Variants in PBX1 observed in about 807,000 individuals in gnomAD.
The protein encoded by PBX1 is PBX homeobox 1.
PBX1 carries 6 observed loss-of-function variants against 53.4 expected under a neutral mutation model. The ratio of observed to expected loss-of-function variants is 0.11; its 90% CI spans 0.06 to 0.22. The LOEUF is 0.22. Among genes scored for constraint, PBX1 ranks in the 10% least tolerant of loss-of-function variants. The pLI is 1.00. For synonymous variants in PBX1, 204 were observed against 212.3 expected (o/e 0.96, Z 0.34); for missense variants, 251 against 551.4 (o/e 0.46, Z 5.46).
At chr1:164,673,325 G>A (rs77213201) in intron 2 of PBX1, among the ~76,000 whole-genome samples, 1 of 152,134 alleles carries the variant, frequency 6.6e-6, no homozygotes, top group African/African-American at 2.4e-5. Context: ...TTGGAGTGGG[G>A]CTGGGAGCGC....
intron 2 of PBX1, among the ~76,000 whole-genome samples, chr1:164,637,880 T>A (rs1616235): frequency 6.6e-6 from 1 of 151,876 alleles, no homozygotes; most frequent in African/African-American, 2.4e-5. Flanking sequence ...GACTCAAGCT[T>A]CTTACTCATC....
intron 2 of PBX1, among the ~76,000 whole-genome samples, chr1:164,663,625 T>C (rs1379911905): frequency 1.3e-5 from 2 of 152,250 alleles, no homozygotes; most frequent in African/African-American, 4.8e-5. Flanking sequence ...CACCTGTCTG[T>C]CATTGCAATT....
chr1:164,835,452 C>G (rs1670991882), intron 8 of PBX1, among the ~76,000 whole-genome samples: 1 of 152,120 alleles, frequency 6.6e-6, no homozygotes, highest in African/African-American at 2.4e-5. Context: ...CTAACAGTTT[C>G]TGGTAGTTTC....
intron 2 of PBX1, among the ~76,000 whole-genome samples, chr1:164,859,210 C>G (rs1164347060): frequency 2.0e-5 from 3 of 152,186 alleles, no homozygotes. Flanking sequence ...TCTCCCATCT[C>G]TTACCTCAAA....
intron 2 of PBX1, among the ~76,000 whole-genome samples, chr1:164,614,488 C>T (rs567483709): frequency 2.6e-5 from 4 of 152,234 alleles, no homozygotes; most frequent in East Asian, 3.9e-4. Flanking sequence ...CTGCCACCCC[C>T]ACTCCTACCT....
Position 164,801,006 on chromosome 1 carries a change from G to A in PBX1, c.701+1117G>A, listed in dbSNP as rs186004601. 5.7e-3 allele frequency among the ~76,000 whole-genome samples: 866 copies of A among 151,968 alleles called. 5 individuals are homozygous for A. The highest frequency in any genetic ancestry group is 0.02 in the Middle Eastern group (6 of 294). The stretch of plus-strand genomic sequence containing the variant: ...CATTTTTCTCTGTGTTCACAATTAT[G>A]GTCTTTACAGTCCTTGGACCTCTTT... On this transcript the variant is annotated intron_variant, in intron 4 of 8. Transcript: ENST00000420696.
intron 8 of PBX1, among the ~76,000 whole-genome samples, chr1:164,840,339 A>G: frequency 7.0e-6 from 1 of 142,734 alleles, no homozygotes; most frequent in Non-Finnish European, 1.5e-5. Context: ...TACATGGGAT[A>G]TACTTATAAA....
At chr1:164,792,319 C>G (rs1487912905) in intron 2 of PBX1, among the ~76,000 whole-genome samples, 175 bp from the exon 3 acceptor site, 2 of 152,144 alleles carry the variant, frequency 1.3e-5, no homozygotes, top group African/African-American at 4.8e-5. Flanking sequence ...GCAAGTCCCT[C>G]CTTCATTTTC....
At chr1:164,588,900 T>G (rs1655153869) in intron 2 of PBX1, among the ~76,000 whole-genome samples, 1 of 152,122 alleles carries the variant, frequency 6.6e-6, no homozygotes, top group Non-Finnish European at 1.5e-5. Flanking sequence ...TAACCCTCTT[T>G]TTTCCTTTCT....
At chr1:164,563,393 A>G (rs1653201715) in intron 2 of PBX1, 82 bp downstream of exon 2, 7 of 884,420 alleles carry the variant, frequency 7.9e-6, no homozygotes, top group Non-Finnish European at 1.2e-5. Flanking sequence ...TATTATTTAA[A>G]TATTAAAATT....
chr1:164,559,673 T>C lies in PBX1; in HGVS notation c.-150T>C, dbSNP rs1006494238. ...CCTCTAAAGAGGCAAAGGGATTTTT[T>C]TTTTCTTTTGGTCTTCTTTTTTCCC... On this transcript the variant is annotated 5_prime_UTR_variant, in exon 1 of 9. Transcript: ENST00000420696. 1.8e-6 allele frequency: 1 copy of C among 547,596 alleles called. No homozygotes were observed. The highest frequency in any genetic ancestry group is 2.9e-5 in the South Asian group (1 of 34,464). The allele number at this position is 547,596 out of a possible 1,614,324, so 33.9% of individuals were successfully genotyped here. A position where few individuals can be genotyped will look rare whatever the true frequency, so the allele number is the denominator to read the frequency against.
chr1:164,669,729 C>T (rs1661012167), intron 2 of PBX1, among the ~76,000 whole-genome samples: 1 of 152,184 alleles, frequency 6.6e-6, no homozygotes, highest in Admixed American at 6.5e-5. Flanking sequence ...CACATGTTCA[C>T]AGCCTTCTAA....
At chr1:164,624,280 G>A (rs1657890721) in intron 2 of PBX1, among the ~76,000 whole-genome samples, 1 of 152,164 alleles carries the variant, frequency 6.6e-6, no homozygotes, top group Admixed American at 6.5e-5. Flanking sequence ...ATAGGTTCTT[G>A]TGCCAAAAAG....
chr1:164,685,831 T>G (rs1365909098), intron 2 of PBX1, among the ~76,000 whole-genome samples: 1 of 152,232 alleles, frequency 6.6e-6, no homozygotes, highest in African/African-American at 2.4e-5. Flanking sequence ...AAGTGCATTC[T>G]ATACACACAG....
At chr1:164,617,331 A>T (rs907700215) in intron 2 of PBX1, among the ~76,000 whole-genome samples, 4 of 152,208 alleles carry the variant, frequency 2.6e-5, no homozygotes, top group Admixed American at 2.0e-4. Flanking sequence ...GAGAATAAGG[A>T]GGAGATTGTG....
At chr1:164,706,609 A>G (rs556745664) in intron 2 of PBX1, among the ~76,000 whole-genome samples, 14 of 152,080 alleles carry the variant, frequency 9.2e-5, no homozygotes, top group Non-Finnish European at 1.6e-4. Flanking sequence ...CCTTTTTTTG[A>G]ACATATGACA....
At chr1:164,625,178 G>A (rs1406635389) in intron 2 of PBX1, among the ~76,000 whole-genome samples, 3 of 152,142 alleles carry the variant, frequency 2.0e-5, no homozygotes, top group Admixed American at 6.5e-5. Flanking sequence ...CAAAAAGAGG[G>A]AGGCTTGCAG....
intron 2 of PBX1, among the ~76,000 whole-genome samples, chr1:164,681,098 A>C: frequency 1.5e-4 from 1 of 6,824 alleles, no homozygotes; most frequent in South Asian, 0.015. Context: ...TTAAAAATTA[A>C]CCTGTCATGA....
rs1671622686 is a variant in PBX1, at chr1:164,847,294, A to G, written c.*618A>G. The stretch of plus-strand genomic sequence containing the variant: ...CTCCTCTTCCTTCCTAGCCCCAGCT[A>G]TTCACTGGGGACTGTCATAGCTGGG... On this transcript the variant is annotated 3_prime_UTR_variant, in exon 9 of 9. Coordinates refer to ENST00000420696, the MANE Select transcript of PBX1 (RefSeq NM_002585.4). 2.8e-6 allele frequency: 3 copies of G among 1,065,296 alleles called. No homozygotes were observed. Among genetic ancestry groups the G allele is most frequent in the African/African-American group, 1.6e-5 (1 of 61,034 alleles). 66.0% of individuals were successfully genotyped at this position (1,065,296 alleles called of 1,614,324 possible).
Sources: gnomAD v4.1 joint callset for allele counts (sites outside exome capture counted in the v4.1 genomes callset) on GRCh38, gnomAD v4.1.1 for gene constraint, MANE v1.5 for transcripts, NCBI Gene and HGNC (gene_info 2026-07-23, HGNC 2026-07-21) for gene names.